GRID2: variants seen among roughly 807,000 people sequenced by gnomAD.
GRID2 encodes the protein glutamate ionotropic receptor delta type subunit 2, also known as glutamate receptor ionotropic, delta-2.
Under a neutral mutation model 114.8 loss-of-function variants are expected in GRID2, and 33 were observed. The observed-to-expected ratio is 0.29, with a 90% CI of 0.22 to 0.38. The LOEUF (loss-of-function observed/expected upper bound fraction) is 0.38, where lower values mean the gene tolerates loss of function less well. Ranked by LOEUF, GRID2 falls within the 10% of genes least tolerant of loss-of-function variation. GRID2 has a pLI of 1.00. For missense variants in GRID2, 1,184 were observed against 1,257.7 expected (o/e 0.94, Z 0.89); for synonymous variants, 505 against 449.9 (o/e 1.12, Z -1.55).
rs183422904 is a variant in GRID2, at chr4:93,678,779, A to G, written c.2360+52344A>G. Among the ~76,000 whole-genome samples the G allele has an allele frequency of 9.5e-3, 1,446 of 151,496 alleles. 44 individuals carry two copies. The highest frequency in any genetic ancestry group is 0.032 in the African/African-American group (1,330 of 40,946). The stretch of plus-strand genomic sequence containing the variant: ...CCCTAAAAGAGCTCCTGAAGGAAGC[A>G]CTAAACATGGAAAGGAACAATCAGT... On this transcript the variant is annotated intron_variant, in intron 14 of 15. Transcript: ENST00000282020.
At chr4:92,493,740 C>A (rs974101831) in intron 1 of GRID2, among the ~76,000 whole-genome samples, 11 of 152,154 alleles carry the variant, frequency 7.2e-5, no homozygotes, top group Non-Finnish European at 1.5e-4. Context: ...CTAGACTTTT[C>A]TAGCTATCTA....
intron 14 of GRID2, among the ~76,000 whole-genome samples, chr4:93,707,869 A>G (rs914580636): frequency 6.6e-6 from 1 of 151,732 alleles, no homozygotes; most frequent in East Asian, 1.9e-4. Context: ...TGTATTCCAA[A>G]GGTTTTGGTA....
chr4:92,637,140 T>C (rs1009506123), intron 2 of GRID2, among the ~76,000 whole-genome samples: 1 of 151,940 alleles, frequency 6.6e-6, no homozygotes, highest in Non-Finnish European at 1.5e-5. Context: ...TCTCATAATG[T>C]TTTTGAATAA....
intron 2 of GRID2, among the ~76,000 whole-genome samples, chr4:92,714,849 C>T (rs1231743303): frequency 6.6e-6 from 1 of 152,192 alleles, no homozygotes; most frequent in East Asian, 1.9e-4. Flanking sequence ...TTTTTTTCTC[C>T]TAGCTCTCCC....
intron 13 of GRID2, among the ~76,000 whole-genome samples, chr4:93,599,186 G>C (rs899246021): frequency 1.3e-5 from 2 of 152,176 alleles, no homozygotes; most frequent in African/African-American, 4.8e-5. Context: ...TTGTTGGATG[G>C]ACTTGAATGT....
At chr4:92,899,224 A>C (rs1218165053) in intron 2 of GRID2, among the ~76,000 whole-genome samples, 1 of 152,020 alleles carries the variant, frequency 6.6e-6, no homozygotes, top group African/African-American at 2.4e-5. Context: ...AATTGTTTTT[A>C]GTTTATATTT....
At chr4:93,333,073 G>A (rs1007204448) in intron 8 of GRID2, among the ~76,000 whole-genome samples, 3 of 152,066 alleles carry the variant, frequency 2.0e-5, no homozygotes, top group Admixed American at 6.6e-5. Context: ...TAGCTTCTGG[G>A]TGCTCTAAGC....
chr4:92,395,190 T>C (rs1449716597), intron 1 of GRID2, among the ~76,000 whole-genome samples: 1 of 151,676 alleles, frequency 6.6e-6, no homozygotes, highest in Non-Finnish European at 1.5e-5. Flanking sequence ...GTTGATGTAC[T>C]AATAATGGGG....
chr4:93,749,944 G>A (rs561109200), intron 14 of GRID2, among the ~76,000 whole-genome samples: 1 of 152,296 alleles, frequency 6.6e-6, no homozygotes, highest in Admixed American at 6.5e-5. Context: ...TAACTGAATT[G>A]CTACAGAGTG....
chr4:93,233,922 G>A (rs1345032985), intron 7 of GRID2, among the ~76,000 whole-genome samples: 2 of 152,118 alleles, frequency 1.3e-5, no homozygotes, highest in African/African-American at 4.8e-5. Context: ...TAGGTTAATG[G>A]TTGGGACAAA....
chr4:92,926,684 T>C (rs1012101631), intron 2 of GRID2, among the ~76,000 whole-genome samples: 8 of 152,078 alleles, frequency 5.3e-5, no homozygotes, highest in East Asian at 3.9e-4. Flanking sequence ...CTGTGTCTTA[T>C]TCTGTTTTGT....
At chr4:92,891,142 G>A (rs922592712) in intron 2 of GRID2, among the ~76,000 whole-genome samples, 2 of 152,092 alleles carry the variant, frequency 1.3e-5, no homozygotes, top group Non-Finnish European at 2.9e-5. Context: ...GGGAGGGATA[G>A]CATTAGGAGA....
chr4:93,084,048 C>T (rs1201498674), intron 2 of GRID2, among the ~76,000 whole-genome samples: 2 of 151,852 alleles, frequency 1.3e-5, no homozygotes, highest in Non-Finnish European at 2.9e-5. Flanking sequence ...ACCTAGAATG[C>T]CTAAAATCTA....
chr4:93,083,248 T>C (rs1730033994), intron 2 of GRID2, among the ~76,000 whole-genome samples: 2 of 152,140 alleles, frequency 1.3e-5, no homozygotes, highest in Non-Finnish European at 1.5e-5. Context: ...TATACCAAAA[T>C]AATGAAATAA....
intron 14 of GRID2, among the ~76,000 whole-genome samples, chr4:93,697,395 G>T (rs1204106545): frequency 6.6e-6 from 1 of 152,106 alleles, no homozygotes; most frequent in African/African-American, 2.4e-5. Context: ...TCAAGTTTAA[G>T]AACTCAGGTT....
chr4:93,193,794 A>G (rs1741221116), intron 4 of GRID2, among the ~76,000 whole-genome samples: 2 of 152,206 alleles, frequency 1.3e-5, no homozygotes, highest in Non-Finnish European at 2.9e-5. Flanking sequence ...TAAAACGGGT[A>G]TATGCTTCTT....
chr4:93,250,398 G>T (rs548856942), intron 8 of GRID2, among the ~76,000 whole-genome samples: 1 of 151,932 alleles, frequency 6.6e-6, no homozygotes, highest in East Asian at 1.9e-4. Context: ...TAATGTAGAT[G>T]ATAGGTTAAT....
At chr4:93,145,444 T>C (rs1736116476) in intron 4 of GRID2, among the ~76,000 whole-genome samples, 1 of 147,774 alleles carries the variant, frequency 6.8e-6, no homozygotes, top group Non-Finnish European at 1.5e-5. Context: ...TATTTATTTA[T>C]TTGTATTTGT....
intron 2 of GRID2, among the ~76,000 whole-genome samples, chr4:92,821,632 A>G (rs955014593): frequency 5.3e-5 from 8 of 152,182 alleles, no homozygotes; most frequent in Middle Eastern, 3.2e-3. Context: ...AAACCAGATC[A>G]TTCTACTGTG....
Sources: gnomAD v4.1 joint callset for allele counts (sites outside exome capture counted in the v4.1 genomes callset) on GRCh38, gnomAD v4.1.1 for gene constraint, MANE v1.5 for transcripts, NCBI Gene and HGNC (gene_info 2026-07-23, HGNC 2026-07-21) for gene names.